UNC80: variants seen among roughly 807,000 people sequenced by gnomAD.
UNC80 encodes the protein unc-80 subunit of NALCN channel complex, also known as protein unc-80 homolog.
In UNC80, 164 loss-of-function variants were observed where a neutral mutation model predicts 384.6. The observed-to-expected ratio is 0.43, with a 90% CI of 0.38 to 0.49. The LOEUF (loss-of-function observed/expected upper bound fraction) is 0.49. Ranked by LOEUF, UNC80 falls within the 20% of genes least tolerant of loss-of-function variation. The pLI, the probability that UNC80 is intolerant of heterozygous loss-of-function variation, is 0.00. For missense variants in UNC80, 3,330 were observed against 4,143.0 expected, an observed-to-expected ratio of 0.80 and a Z score of 5.39; for synonymous variants, 1,486 against 1,527.8, an observed-to-expected ratio of 0.97 and a Z score of 0.64.
At chr2:209,982,412 A>T in intron 60 of UNC80, 95 bp downstream of exon 60, 1 of 1,371,372 alleles carries the variant, frequency 7.3e-7, no homozygotes, top group Non-Finnish European at 9.6e-7. Context: ...CAGAAAGAGA[A>T]GCAAGCAATG....
intron 47 of UNC80, among the ~76,000 whole-genome samples, chr2:209,949,797 C>T (rs2092080184): frequency 8.7e-6 from 1 of 115,462 alleles, no homozygotes; most frequent in Non-Finnish European, 1.8e-5. Context: ...TTTTTAAAAA[C>T]TCCTATTCTC....
At chr2:209,944,847 T>G (rs2091836206) in intron 45 of UNC80, among the ~76,000 whole-genome samples, 2 of 152,176 alleles carry the variant, frequency 1.3e-5, no homozygotes. Context: ...TGTTCTATAT[T>G]AGAATTTAAT....
intron 22 of UNC80, among the ~76,000 whole-genome samples, chr2:209,865,534 GGAGCTTGCAGT>G (rs1559224683): frequency 6.6e-6 from 1 of 151,298 alleles, no homozygotes; most frequent in Admixed American, 6.6e-5. Flanking sequence ...CCCGGGAGGC[GGAGCTTGCAGT>G]GAGCCGAGAT....
chr2:209,859,696 G>A (rs1445085914), intron 22 of UNC80, among the ~76,000 whole-genome samples: 1 of 152,132 alleles, frequency 6.6e-6, no homozygotes, highest in Non-Finnish European at 1.5e-5. Context: ...AGCATCTATT[G>A]TTTCCTGACT....
chr2:209,908,650 G>A (rs1443394130), intron 29 of UNC80, among the ~76,000 whole-genome samples: 10 of 152,156 alleles, frequency 6.6e-5, no homozygotes, highest in African/African-American at 2.4e-4. Flanking sequence ...ACACAGTGTG[G>A]GTAAATTCCA....
intron 61 of UNC80, among the ~76,000 whole-genome samples, chr2:209,988,311 A>G (rs543095713): frequency 4.6e-4 from 70 of 152,328 alleles, no homozygotes; most frequent in African/African-American, 1.5e-3. Flanking sequence ...AAGCACAGAT[A>G]AAAGCAATGA....
rs547707983 is a variant in UNC80 at position 209,990,565 on chromosome 2, T to C, written c.9315-1601T>C. On this transcript the variant is annotated intron_variant, in intron 61 of 64. Coordinates refer to ENST00000673920, the MANE Select transcript of UNC80 (RefSeq NM_001371986.1). ...TTGCTTAGTATTAGGAGAAGCTTGT[T>C]TCTACTTTTGTGCATATGGTTATTG... 2.6e-5 allele frequency among the ~76,000 whole-genome samples: 4 copies of C among 152,332 alleles called. No homozygotes were observed. In the East Asian group the frequency reaches 7.7e-4, roughly 29 times the overall value.
intron 30 of UNC80, among the ~76,000 whole-genome samples, 160 bp downstream of exon 30, chr2:209,912,827 A>T (rs944532403): frequency 1.1e-4 from 17 of 152,184 alleles, no homozygotes; most frequent in South Asian, 2.1e-4. Flanking sequence ...GTGTGCCAGG[A>T]AAAAAGAAAT....
chr2:209,908,640 A>T (rs1392377910), intron 29 of UNC80, among the ~76,000 whole-genome samples: 1 of 152,232 alleles, frequency 6.6e-6, no homozygotes, highest in Non-Finnish European at 1.5e-5. Flanking sequence ...AAAATAAAGG[A>T]CACAGTGTGG....
chr2:209,853,505 A>G (rs886275155), intron 22 of UNC80, among the ~76,000 whole-genome samples: 12 of 152,048 alleles, frequency 7.9e-5, no homozygotes, highest in African/African-American at 2.9e-4. Context: ...TTTTAAGTCC[A>G]GTACAGCTTT....
intron 7 of UNC80, among the ~76,000 whole-genome samples, chr2:209,812,216 A>ATT (rs796729702): frequency 9.2e-4 from 126 of 137,606 alleles, no homozygotes; most frequent in East Asian, 6.0e-3. Flanking sequence ...AGAGCGGCTA[A>ATT]TTTTTTTTTT....
chr2:209,809,055 A>G, intron 7 of UNC80: 2 of 433,754 alleles, frequency 4.6e-6, no homozygotes, highest in South Asian at 2.1e-5. Context: ...AACTGACCTC[A>G]CTGTCGGATG....
At chr2:209,844,768 A>T (rs887787213) in intron 21 of UNC80, among the ~76,000 whole-genome samples, 9 of 149,300 alleles carry the variant, frequency 6.0e-5, no homozygotes, top group Admixed American at 4.0e-4. Flanking sequence ...TTTGTTTTAC[A>T]TTTTTTGTAG....
chr2:209,786,310 T>C, intron 5 of UNC80, 121 bp downstream of exon 5: 1 of 1,295,790 alleles, frequency 7.7e-7, no homozygotes, highest in Admixed American at 2.4e-5. Context: ...CATGTAGTTA[T>C]TTAAGTGTCC....
chr2:209,934,779 A>C (rs2091130262), intron 39 of UNC80, among the ~76,000 whole-genome samples: 1 of 152,224 alleles, frequency 6.6e-6, no homozygotes, highest in Non-Finnish European at 1.5e-5. Flanking sequence ...ATTGTGAGGA[A>C]TAAATGAGTT....
intron 38 of UNC80, 44 bp from the exon 39 acceptor site, chr2:209,933,778 G>C (rs375989098): frequency 6.8e-6 from 10 of 1,475,984 alleles, no homozygotes; most frequent in Non-Finnish European, 9.1e-6. Flanking sequence ...ATGTGAGCTC[G>C]GGATTATTGT....
intron 22 of UNC80, among the ~76,000 whole-genome samples, chr2:209,860,752 G>C (rs1010427872): frequency 1.4e-4 from 21 of 152,150 alleles, no homozygotes; most frequent in African/African-American, 5.1e-4. Flanking sequence ...TCTCCTTGAA[G>C]AGGTTCTTCA....
At chr2:209,848,416 A>G in intron 21 of UNC80, among the ~76,000 whole-genome samples, 1 of 152,182 alleles carries the variant, frequency 6.6e-6, no homozygotes, top group Non-Finnish European at 1.5e-5. Context: ...GGAAATTTCA[A>G]TAATGATACT....
At chr2:209,938,339 T>C (rs1017023765) in intron 42 of UNC80, among the ~76,000 whole-genome samples, 3 of 152,202 alleles carry the variant, frequency 2.0e-5, no homozygotes, top group Non-Finnish European at 1.5e-5. Flanking sequence ...ATAAAATCTT[T>C]AAAGAATTTC....
Sources: allele counts gnomAD v4.1 joint callset (sites outside exome capture counted in the v4.1 genomes callset), GRCh38; gene constraint gnomAD v4.1.1; transcripts MANE v1.5; gene names NCBI Gene and HGNC (gene_info 2026-07-23, HGNC 2026-07-21).